Variants in PDILT observed in about 807,000 individuals in gnomAD.
PDILT encodes protein disulfide-isomerase-like protein of the testis.
A neutral mutation model predicts 53.7 loss-of-function variants in PDILT; 43 were observed. That is an observed-to-expected ratio of 0.80 (90% CI 0.63 to 1.03). PDILT has a LOEUF of 1.03. PDILT is among the 50% of genes least tolerant of loss of function. The pLI is 0.00. For missense variants in PDILT, 727 were observed against 712.3 expected, an observed-to-expected ratio of 1.02 and a Z score of -0.24; for synonymous variants, 282 against 274.2, an observed-to-expected ratio of 1.03 and a Z score of -0.28.
chr16:20,369,271 A>C (rs1481080667), intron 8 of PDILT, among the ~76,000 whole-genome samples: 3 of 152,212 alleles, frequency 2.0e-5, no homozygotes, highest in Non-Finnish European at 2.9e-5. Flanking sequence ...AAATGCCTCC[A>C]CTTTACAACT....
At chr16:20,374,586 G>A (rs892489514) in intron 5 of PDILT, among the ~76,000 whole-genome samples, 8 of 152,154 alleles carry the variant, frequency 5.3e-5, no homozygotes, top group African/African-American at 1.9e-4. Flanking sequence ...AGAAAAGAGG[G>A]CATAGGATTG....
intron 8 of PDILT, among the ~76,000 whole-genome samples, chr16:20,366,830 C>A (rs1412785655): frequency 6.6e-6 from 1 of 152,086 alleles, no homozygotes; most frequent in Non-Finnish European, 1.5e-5. Context: ...CAGATGTTCT[C>A]CCCCCGTCCC....
At chr16:20,374,656 G>T (rs1019138916) in intron 5 of PDILT, among the ~76,000 whole-genome samples, 166 bp downstream of exon 5, 4 of 152,132 alleles carry the variant, frequency 2.6e-5, no homozygotes, top group African/African-American at 7.2e-5. Flanking sequence ...ATGGTAAATG[G>T]CTGGAAAGGT....
intron 10 of PDILT, 29 bp from the exon 11 acceptor site, chr16:20,360,686 T>A (rs369519877): frequency 2.0e-6 from 3 of 1,509,282 alleles, no homozygotes; most frequent in Admixed American, 1.7e-5. Flanking sequence ...AGGGTCAGGA[T>A]GGGATCCTCT....
At chr16:20,403,994 G>A (rs1297948172) in intron 1 of PDILT, among the ~76,000 whole-genome samples, 2 of 152,012 alleles carry the variant, frequency 1.3e-5, no homozygotes, top group East Asian at 3.9e-4. Flanking sequence ...AGCACTCTCT[G>A]CCATATCACC....
At position 20,369,592 on chromosome 16, in the gene PDILT, A is replaced by C; in HGVS notation, c.1016T>G (p.Leu339Arg). The change falls in exon 8 of 12, where the codon CTA becomes CGA. Residue 339 changes from leucine to arginine, a missense_variant. Coordinates refer to ENST00000302451, the MANE Select transcript of PDILT (RefSeq NM_174924.2). The part of the protein sequence containing the change: ...TEVDIPSVQI[L>R]NLSSDARYKM... ...GTACCTGGCGTCAGAGCTCAAGTTT[A>C]GGATTTGGACGGATGGGATATCGAC... 6.2e-7 allele frequency: 1 copy of C among 1,614,230 alleles called. No homozygotes were observed. The highest frequency in any genetic ancestry group is 8.5e-7 in the Non-Finnish European group (1 of 1,180,040).
chr16:20,384,123 A>G (rs1036401645), intron 3 of PDILT, among the ~76,000 whole-genome samples: 7 of 152,108 alleles, frequency 4.6e-5, no homozygotes, highest in African/African-American at 1.4e-4. Context: ...ACTCTGTCAA[A>G]TCATTCTAAA....
intron 9 of PDILT, among the ~76,000 whole-genome samples, chr16:20,363,291 T>C (rs1044854937): frequency 1.3e-5 from 2 of 152,130 alleles, no homozygotes; most frequent in Non-Finnish European, 2.9e-5. Context: ...CCATCTCAGC[T>C]TCCTGATTTG....
intron 3 of PDILT, among the ~76,000 whole-genome samples, chr16:20,384,394 T>G (rs1051011252): frequency 4.6e-5 from 7 of 152,156 alleles, no homozygotes; most frequent in African/African-American, 1.7e-4. Flanking sequence ...ATAGAAGTGA[T>G]ACTTACCACT....
chr16:20,376,992 A>C (rs1030527967), intron 3 of PDILT, among the ~76,000 whole-genome samples: 2 of 152,220 alleles, frequency 1.3e-5, no homozygotes, highest in African/African-American at 4.8e-5. Flanking sequence ...GAACATTTTA[A>C]ATAAGTTTAT....
At chr16:20,391,724 G>A (rs753064626) in intron 2 of PDILT, among the ~76,000 whole-genome samples, 16 of 151,986 alleles carry the variant, frequency 1.1e-4, no homozygotes, top group African/African-American at 3.4e-4. Flanking sequence ...CAATGTACAC[G>A]ATGAAAAGCA....
chr16:20,373,898 T>A (rs1264414808), intron 5 of PDILT, among the ~76,000 whole-genome samples: 2 of 152,214 alleles, frequency 1.3e-5, no homozygotes, highest in Admixed American at 1.3e-4. Flanking sequence ...TCAATTAAGC[T>A]CTTCAATTTA....
chr16:20,401,787 G>A (rs1966743971), intron 1 of PDILT, among the ~76,000 whole-genome samples: 1 of 152,260 alleles, frequency 6.6e-6, no homozygotes, highest in African/African-American at 2.4e-5. Context: ...AGCCAGGCGG[G>A]AGGAGCTACA....
intron 9 of PDILT, among the ~76,000 whole-genome samples, chr16:20,365,194 G>C (rs1401995359): frequency 6.6e-6 from 1 of 152,168 alleles, no homozygotes; most frequent in Non-Finnish European, 1.5e-5. Flanking sequence ...CATAGGCCTG[G>C]GTTATGTGGA....
intron 8 of PDILT, among the ~76,000 whole-genome samples, chr16:20,366,559 A>AT (rs1200991482): frequency 6.6e-6 from 1 of 152,058 alleles, no homozygotes; most frequent in Admixed American, 6.6e-5. Context: ...GTCATAAGAG[A>AT]TTTTTCTTTC....
intron 2 of PDILT, chr16:20,390,571 A>G (rs1966596307): frequency 6.6e-6 from 1 of 152,182 alleles, no homozygotes; most frequent in African/African-American, 2.4e-5. Flanking sequence ...GAAATACTAT[A>G]TATTTTACTT....
At chr16:20,369,115 C>T (rs944969254) in intron 8 of PDILT, among the ~76,000 whole-genome samples, 2 of 152,230 alleles carry the variant, frequency 1.3e-5, no homozygotes, top group Non-Finnish European at 2.9e-5. Flanking sequence ...GTGGCTCCAT[C>T]TCCCTTCTCC....
intron 2 of PDILT, among the ~76,000 whole-genome samples, chr16:20,385,477 T>C (rs1218413653): frequency 6.6e-6 from 1 of 152,198 alleles, no homozygotes; most frequent in Non-Finnish European, 1.5e-5. Context: ...GCTGCGTTCT[T>C]ATTACTGCTT....
In PDILT at chr16:20,367,078, TCTTTCTTTCTTTCTTTCTTTCTTTCTTC is replaced by T. The variant is rs1356832804; in HGVS notation, c.1117-1566_1117-1539del. Among the ~76,000 whole-genome samples the T allele has an allele frequency of 1.7e-3, 207 of 119,726 alleles. 1 individual carries two copies. The highest frequency in any genetic ancestry group is 6.4e-3 in the African/African-American group (190 of 29,920). 78.5% of individuals were successfully genotyped at this position (119,726 alleles called of 152,430 possible). A position where few individuals can be genotyped will look rare whatever the true frequency, so the allele number is the denominator to read the frequency against. On this transcript the variant is annotated intron_variant, in intron 8 of 11. Coordinates refer to ENST00000302451, the MANE Select transcript of PDILT (RefSeq NM_174924.2). ...TTCTTTCTTTCTTTCTTTCTTTCTT[TCTTTCTTTCTTTCTTTCTTTCTTTCTTC>T]CTTTCTTTCCTTTTGAGACAGAGTC...
Sources: allele counts gnomAD v4.1 joint callset (sites outside exome capture counted in the v4.1 genomes callset), GRCh38; gene constraint gnomAD v4.1.1; transcripts MANE v1.5; gene names NCBI Gene and HGNC (gene_info 2026-07-23, HGNC 2026-07-21).